The following SLC37A2 variants were observed in gnomAD, a reference collection of about 807,000 sequenced individuals.
The protein encoded by SLC37A2 is solute carrier family 37 member 2.
A neutral mutation model predicts 70.7 loss-of-function variants in SLC37A2; 59 were observed. That is an observed-to-expected ratio of 0.83 (90% CI 0.68 to 1.04). The LOEUF is 1.04. Among genes scored for constraint, SLC37A2 ranks in the 50% least tolerant of loss-of-function variants. The probability of loss-of-function intolerance (pLI) is 0.00; values close to 1 mark genes in which losing one functional copy is unlikely to be tolerated. For missense variants in SLC37A2, 580 were observed against 658.1 expected (o/e 0.88, Z 1.30); for synonymous variants, 257 against 262.1 (o/e 0.98, Z 0.19).
chr11:125,064,028 C>T (rs1267764201), intron 1 of SLC37A2, among the ~76,000 whole-genome samples: 1 of 152,208 alleles, frequency 6.6e-6, no homozygotes, highest in Non-Finnish European at 1.5e-5. Context: ...GCAGGGACCA[C>T]ATGTTGGGCT....
intron 6 of SLC37A2, 107 bp downstream of exon 6, chr11:125,079,867 G>T: frequency 1.2e-6 from 1 of 853,480 alleles, no homozygotes. Context: ...TCAGAAAGCG[G>T]CCTCCACGTT....
chr11:125,067,869 T>G (rs1363939244), intron 1 of SLC37A2, among the ~76,000 whole-genome samples: 1 of 152,228 alleles, frequency 6.6e-6, no homozygotes, highest in African/African-American at 2.4e-5. Flanking sequence ...GTAATATTTT[T>G]CCTTTTAATA....
At chr11:125,071,475 C>A (rs1949028715) in intron 1 of SLC37A2, among the ~76,000 whole-genome samples, 2 of 152,236 alleles carry the variant, frequency 1.3e-5, no homozygotes, top group African/African-American at 4.8e-5. Flanking sequence ...CTTCCCAAAG[C>A]AAAACAATCT....
At chr11:125,076,948 C>A in intron 2 of SLC37A2, 110 bp downstream of exon 2, 2 of 1,014,446 alleles carry the variant, frequency 2.0e-6, no homozygotes, top group South Asian at 1.4e-5. Flanking sequence ...CTCCCACTCT[C>A]AGTGGCTGTC....
At position 125,063,531 on chromosome 11, in the gene SLC37A2, C is replaced by G; in HGVS notation, c.59+105C>G. On this transcript the variant is annotated intron_variant, in intron 1 of 17. Coordinates refer to ENST00000403796, the MANE Select transcript of SLC37A2 (RefSeq NM_001145290.2). The surrounding 1 kb of genome is among the most constrained non-coding windows in gnomAD (Gnocchi z 5.4). ...CACCCCAGATCGGCCCCGGCGTCGCCGCGTGGCCAGGGGTGCTGGGGGGAC... is the reference window on the plus strand; with the variant it reads ...CACCCCAGATCGGCCCCGGCGTCGCGGCGTGGCCAGGGGTGCTGGGGGGAC... 9.0e-7 allele frequency: 1 copy of G among 1,114,026 alleles called. No homozygotes were observed. Among genetic ancestry groups the G allele is most frequent in the Admixed American group, 2.4e-5 (1 of 41,070 alleles). 69.0% of individuals were successfully genotyped at this position (1,114,026 alleles called of 1,614,324 possible).
intron 9 of SLC37A2, 53 bp from the exon 10 acceptor site, chr11:125,082,191 T>C: frequency 3.2e-6 from 5 of 1,578,320 alleles, no homozygotes; most frequent in Non-Finnish European, 4.4e-6. Context: ...GGGCCACCAC[T>C]GAACCCAGGA....
chr11:125,084,223 G>C lies in SLC37A2; in HGVS notation c.1040-11G>C, dbSNP rs746591573. On this transcript the variant is annotated splice_polypyrimidine_tract_variant and intron_variant, in intron 11 of 17. Transcript: ENST00000403796. ...TCTGGGAGTCAGTGCGTGAGTGGCT[G>C]TGTGTTCCAGGCGGCATCGTGGCAG... 1 of 1,614,200 alleles carries C rather than the reference G, an allele frequency of 6.2e-7. No individual in the cohort carries two copies.
At position 125,080,328 on chromosome 11, in the gene SLC37A2, G is replaced by C. The variant is rs1358530153; in HGVS notation, c.528-286G>C. On this transcript the variant is annotated intron_variant, in intron 6 of 17. Coordinates refer to ENST00000403796, the MANE Select transcript of SLC37A2 (RefSeq NM_001145290.2). This position sits in a 1 kb window ranked among gnomAD's most constrained non-coding sequence, Gnocchi z 4.3. ...TAGAGTGAGATCGTGGGACAGAAGA[G>C]AAGAACGAGGGCCGGGGCCCCCATG... Among the ~76,000 whole-genome samples, 1 of 152,206 alleles carries C rather than the reference G, an allele frequency of 6.6e-6. No homozygotes were observed. The highest frequency in any genetic ancestry group is 1.9e-4 in the East Asian group (1 of 5,186).
intron 1 of SLC37A2, among the ~76,000 whole-genome samples, chr11:125,073,304 G>A (rs1031936139): frequency 1.3e-5 from 2 of 152,246 alleles, no homozygotes; most frequent in African/African-American, 4.8e-5. Context: ...AGCTCCAGGA[G>A]CTTCAGGGCA....
At chr11:125,087,614 G>A (rs966512708) in intron 17 of SLC37A2, 1 of 154,374 alleles carries the variant, frequency 6.5e-6, no homozygotes, top group African/African-American at 2.4e-5. Context: ...CATGAACATT[G>A]TAAGGTTTTA....
At chr11:125,087,934 G>A (rs1006491810) in intron 17 of SLC37A2, 185 bp from the exon 18 acceptor site, 1 of 660,940 alleles carries the variant, frequency 1.5e-6, no homozygotes, top group South Asian at 2.0e-5. Flanking sequence ...GCCCGGCCAG[G>A]TTTTAAATAT....
At chr11:125,074,944 G>A (rs1194328312) in intron 1 of SLC37A2, among the ~76,000 whole-genome samples, 1 of 152,210 alleles carries the variant, frequency 6.6e-6, no homozygotes, top group Non-Finnish European at 1.5e-5. Flanking sequence ...CCTGCTGCCT[G>A]GGGGGCCTTA....
chr11:125,090,240 T>C lies in SLC37A2; in HGVS notation c.*2106T>C, dbSNP rs1337619645. 6.6e-6 allele frequency: 1 copy of C among 152,204 alleles called. No homozygotes were observed. The highest frequency in any genetic ancestry group is 1.5e-5 in the Non-Finnish European group (1 of 68,064). 9.4% of individuals were successfully genotyped at this position (152,204 alleles called of 1,614,324 possible). A position where few individuals can be genotyped will look rare whatever the true frequency, so the allele number is the denominator to read the frequency against. On this transcript the variant is annotated 3_prime_UTR_variant, in exon 18 of 18. Transcript: ENST00000403796. ...CACCAATCAACACTCTGTATCTAGC[T>C]GCTCTGGTGGGGCCTTGGAGAACCT...
intron 1 of SLC37A2, among the ~76,000 whole-genome samples, chr11:125,071,648 G>A (rs1425445473): frequency 6.6e-6 from 1 of 152,332 alleles, no homozygotes; most frequent in East Asian, 1.9e-4. Context: ...ATGTGCCCAC[G>A]TCCCAGCTGG....
At position 125,080,681 on chromosome 11, in the gene SLC37A2, G is replaced by A. The variant is rs536242941; in HGVS notation, c.595G>A (p.Ala199Thr). The change falls in exon 7 of 18, where the codon GCC (alanine) becomes ACC (threonine). Residue 199 changes from alanine (A) to threonine (T), a missense_variant. Ala to Thr is a moderately conservative substitution (Grantham distance 58). Transcript: ENST00000403796. This position sits in a 1 kb window ranked among gnomAD's most constrained non-coding sequence, Gnocchi z 4.3. The stretch of plus-strand genomic sequence containing the variant: ...GGGCAACATCCTGGGCTCCCTGATC[G>A]CCGGCATCTGGGTGAACGGGCAGTG... The part of the protein sequence containing the change: ...SVGNILGSLI[A>T]GIWVNGQWGL... 219 of 1,584,288 alleles carry A rather than the reference G, an allele frequency of 1.4e-4. 1 individual carries two copies. The highest frequency in any genetic ancestry group is 1.4e-3 in the South Asian group (119 of 87,200).
At chr11:125,071,151 G>A (rs1015052570) in intron 1 of SLC37A2, among the ~76,000 whole-genome samples, 2 of 152,044 alleles carry the variant, frequency 1.3e-5, no homozygotes, top group Non-Finnish European at 2.9e-5. Flanking sequence ...GTGGGGGGGC[G>A]GTGTCACTGC....
At chr11:125,073,021 T>C (rs906701702) in intron 1 of SLC37A2, among the ~76,000 whole-genome samples, 1 of 152,128 alleles carries the variant, frequency 6.6e-6, no homozygotes, top group African/African-American at 2.4e-5. Context: ...CCTGCTATCT[T>C]GGGTGTCAGG....
rs199510427 is a variant in SLC37A2 at position 125,086,014 on chromosome 11, A to G, written c.1486A>G (p.Ser496Gly). ...CTGGAAGGTGTCCCTGAGCAGAGGC[A>G]GCGGGTGAGTCCGGGGAGCTGAAGC... ...LAWKVSLSRGSGYKEI is the reference protein window; with the variant it reads ...LAWKVSLSRGGGYKEI Residue 496 changes from serine (S) to glycine (G), a missense_variant, in exon 17 of 18, where the codon AGC (serine) becomes GGC (glycine). Ser to Gly is a moderately conservative substitution (Grantham distance 56). Coordinates refer to ENST00000403796, the MANE Select transcript of SLC37A2 (RefSeq NM_001145290.2). 1.2e-6 allele frequency: 2 copies of G among 1,614,050 alleles called. No homozygotes were observed. Among genetic ancestry groups the G allele is most frequent in the Non-Finnish European group, 1.7e-6 (2 of 1,179,916 alleles).
chr11:125,086,285 A>T, intron 17 of SLC37A2: 1 of 1,562,870 alleles, frequency 6.4e-7, no homozygotes, highest in Non-Finnish European at 8.8e-7. Context: ...CGAGTCTGTG[A>T]CTCGAGTGCC....
Sources: gnomAD v4.1 joint callset for allele counts (sites outside exome capture counted in the v4.1 genomes callset) on GRCh38, gnomAD v4.1.1 for gene constraint, Gnocchi (gnomAD v3.1) non-coding constraint, MANE v1.5 for transcripts, NCBI Gene and HGNC (gene_info 2026-07-23, HGNC 2026-07-21) for gene names.